The following PPP2R2B variants were observed in gnomAD, a reference collection of about 807,000 sequenced individuals.
The protein encoded by PPP2R2B is serine/threonine-protein phosphatase 2A 55 kDa regulatory subunit B beta isoform.
A neutral mutation model predicts 46.0 loss-of-function variants in PPP2R2B; 5 were observed. The observed-to-expected ratio is 0.11, with a 90% CI of 0.06 to 0.23. The LOEUF (loss-of-function observed/expected upper bound fraction) is 0.23. Among genes scored for constraint, PPP2R2B ranks in the 10% least tolerant of loss-of-function variants. PPP2R2B has a pLI of 1.00. For missense variants in PPP2R2B, 367 were observed against 575.0 expected (o/e 0.64, Z 3.70); for synonymous variants, 215 against 206.7 (o/e 1.04, Z -0.34).
At chr5:146,980,118 T>C (rs1450725717) in intron 1 of PPP2R2B, among the ~76,000 whole-genome samples, 1 of 152,180 alleles carries the variant, frequency 6.6e-6, no homozygotes, top group African/African-American at 2.4e-5. Flanking sequence ...ATGCCAATGA[T>C]ATATTTTTAT....
rs1280329913 is a variant in PPP2R2B, at chr5:146,956,377, T to A, written c.79+99288A>T. Among the ~76,000 whole-genome samples, 8 of 152,306 alleles carry A rather than the reference T, an allele frequency of 5.3e-5. No individual in the cohort carries two copies. In the East Asian group the frequency reaches 1.5e-3, roughly 29 times the overall value. ...TATCTGATCCCCAACTATGTGGAAC[T>A]GTCATCACAGAAAAATAATTGCCCT... On this transcript the variant is annotated intron_variant, in intron 1 of 8. Coordinates refer to the PPP2R2B transcript ENST00000336640.
intron 1 of PPP2R2B, among the ~76,000 whole-genome samples, chr5:146,997,665 T>C (rs1753983970): frequency 1.3e-5 from 2 of 152,220 alleles, no homozygotes; most frequent in Admixed American, 1.3e-4. Flanking sequence ...AATGCATGAA[T>C]ATATTCATTA....
chr5:146,838,570 C>CAA (rs67308237), intron 2 of PPP2R2B, among the ~76,000 whole-genome samples: 10,082 of 97,044 alleles, frequency 0.1, 459 homozygotes, highest in East Asian at 0.17. Flanking sequence ...GCCTCCATCT[C>CAA]AAAAAAAAAA....
intron 7 of PPP2R2B, among the ~76,000 whole-genome samples, chr5:146,624,342 C>T (rs533561148): frequency 6.6e-6 from 1 of 152,282 alleles, no homozygotes; most frequent in African/African-American, 2.4e-5. Context: ...TCTATGGCAC[C>T]TTCATCTAGG....
At position 146,604,539 on chromosome 5, in the gene PPP2R2B, C is replaced by A. The variant is rs144336456; in HGVS notation, c.791-4079G>T. ...TAAGGAAGCAGTCTTGGTGAGAAAC[C>A]TGATAGCCCAGTCCTAGCCACTGGG... On this transcript the variant is annotated intron_variant, in intron 7 of 9. Coordinates refer to ENST00000394411, the MANE Select transcript of PPP2R2B (RefSeq NM_181675.4). 1.8e-4 allele frequency among the ~76,000 whole-genome samples: 28 copies of A among 152,254 alleles called. No homozygotes were observed. The East Asian group carries it at 5.4e-3, about 29-fold the overall frequency.
intron 2 of PPP2R2B, among the ~76,000 whole-genome samples, chr5:146,867,009 T>C (rs1025790608): frequency 2.6e-5 from 4 of 152,214 alleles, no homozygotes; most frequent in African/African-American, 9.6e-5. Flanking sequence ...TCATTTGTGT[T>C]TGTTTCCAAA....
intron 1 of PPP2R2B, among the ~76,000 whole-genome samples, chr5:146,891,992 A>G (rs915414049): frequency 2.6e-5 from 4 of 152,170 alleles, no homozygotes; most frequent in Non-Finnish European, 1.5e-5. Context: ...GGATGGGAAG[A>G]CTCATGGAGC....
intron 1 of PPP2R2B, among the ~76,000 whole-genome samples, chr5:146,994,508 A>T (rs1753840290): frequency 6.6e-6 from 1 of 152,158 alleles, no homozygotes; most frequent in Admixed American, 6.5e-5. Flanking sequence ...ATTCTTAAGC[A>T]GTTTAGTACA....
rs113405259 is a variant in PPP2R2B, at chr5:146,878,378, C to G, written c.-124-183G>C. The stretch of plus-strand genomic sequence containing the variant: ...GCTGCCTCCGGGTGCCAAGATACGC[C>G]GTGCCCCGAGGGGTCTGGTCCCGCC... On this transcript the variant is annotated intron_variant, in intron 1 of 9. Transcript: ENST00000394411. The surrounding 1 kb of genome is among the most constrained non-coding windows in gnomAD (Gnocchi z 4.5). 1.4e-6 allele frequency: 2 copies of G among 1,433,562 alleles called. No homozygotes were observed. The highest frequency in any genetic ancestry group is 1.8e-6 in the Non-Finnish European group (2 of 1,100,010). 88.8% of individuals were successfully genotyped at this position (1,433,562 alleles called of 1,614,324 possible). A position where few individuals can be genotyped will look rare whatever the true frequency, so the allele number is the denominator to read the frequency against.
chr5:146,992,604 G>A (rs570568075), intron 1 of PPP2R2B, among the ~76,000 whole-genome samples: 28 of 152,228 alleles, frequency 1.8e-4, no homozygotes, highest in African/African-American at 5.8e-4. Flanking sequence ...CCTTATCACC[G>A]CCAGGGTGTT....
chr5:146,938,050 T>G (rs763260899), intron 1 of PPP2R2B, among the ~76,000 whole-genome samples: 1 of 152,080 alleles, frequency 6.6e-6, no homozygotes, highest in Non-Finnish European at 1.5e-5. Flanking sequence ...CAGAAGCTTG[T>G]GGGTGGAAAG....
At chr5:146,861,164 T>G (rs1277922592) in intron 2 of PPP2R2B, among the ~76,000 whole-genome samples, 2 of 150,982 alleles carry the variant, frequency 1.3e-5, no homozygotes, top group African/African-American at 2.4e-5. Flanking sequence ...CATGTCATTC[T>G]CCTGCCTCAG....
At chr5:146,590,342 CA>C in intron 9 of PPP2R2B, 116 bp from the exon 10 acceptor site, 1 of 1,014,524 alleles carries the variant, frequency 9.9e-7, no homozygotes. Flanking sequence ...AAACAAAAAC[CA>C]AAAAATGAGA....
chr5:147,041,384 G>A (rs1299772482), intron 1 of PPP2R2B, among the ~76,000 whole-genome samples: 3 of 152,136 alleles, frequency 2.0e-5, no homozygotes, highest in Non-Finnish European at 4.4e-5. Context: ...CCTTCCTTCA[G>A]CATTCTGCAG....
At chr5:146,890,765 A>G (rs996390371) in intron 1 of PPP2R2B, among the ~76,000 whole-genome samples, 1 of 152,204 alleles carries the variant, frequency 6.6e-6, no homozygotes, top group Non-Finnish European at 1.5e-5. Flanking sequence ...TGAACAAAGG[A>G]TGAAAACCCA....
intron 1 of PPP2R2B, among the ~76,000 whole-genome samples, chr5:147,050,543 T>C (rs1756758047): frequency 6.6e-6 from 1 of 152,180 alleles, no homozygotes. Flanking sequence ...CTAGACTGCA[T>C]GGGTTCTAAT....
Position 147,005,995 on chromosome 5 carries a change from C to T in PPP2R2B, c.79+49670G>A, listed in dbSNP as rs112286767. On this transcript the variant is annotated intron_variant, in intron 1 of 8. Coordinates refer to the PPP2R2B transcript ENST00000336640. ...AGGGCATAACCCGAAAACACTGAGG[C>T]CACTGACAACCCATAGCCTTCCTAA... Among the ~76,000 whole-genome samples, 55 of 152,274 alleles carry T rather than the reference C, an allele frequency of 3.6e-4. 1 individual carries two copies. The highest frequency in any genetic ancestry group is 1.3e-3 in the African/African-American group (52 of 41,548).
intron 5 of PPP2R2B, among the ~76,000 whole-genome samples, chr5:146,690,080 A>C (rs1356477037): frequency 6.6e-6 from 1 of 152,264 alleles, no homozygotes; most frequent in Non-Finnish European, 1.5e-5. Flanking sequence ...ACATAGGGCA[A>C]GAACCTATTT....
At chr5:146,982,941 T>C (rs184840475) in intron 1 of PPP2R2B, among the ~76,000 whole-genome samples, 19 of 152,254 alleles carry the variant, frequency 1.2e-4, no homozygotes, top group Admixed American at 1.1e-3. Flanking sequence ...GAGTTTCTTA[T>C]AGAGAGCATA....
Sources: gnomAD v4.1 joint callset for allele counts (sites outside exome capture counted in the v4.1 genomes callset) on GRCh38, gnomAD v4.1.1 for gene constraint, Gnocchi (gnomAD v3.1) non-coding constraint, MANE v1.5 for transcripts, NCBI Gene and HGNC (gene_info 2026-07-23, HGNC 2026-07-21) for gene names.